FGD5: variants seen among roughly 807,000 people sequenced by gnomAD.
FGD5 encodes the protein FYVE, RhoGEF and PH domain containing 5.
In FGD5, 28 loss-of-function variants were observed where a neutral mutation model predicts 133.4. The ratio of observed to expected loss-of-function variants is 0.21; its 90% CI spans 0.16 to 0.29. The LOEUF is 0.29. FGD5 is among the 10% of genes least tolerant of loss of function. The probability of loss-of-function intolerance (pLI) is 1.00; values close to 1 mark genes in which losing one functional copy is unlikely to be tolerated. For missense variants in FGD5, 1,858 were observed against 1,895.2 expected (o/e 0.98, Z 0.36); for synonymous variants, 810 against 776.5 (o/e 1.04, Z -0.72).
chr3:14,870,682 C>T (rs2037590094), intron 2 of FGD5, among the ~76,000 whole-genome samples: 2 of 152,212 alleles, frequency 1.3e-5, no homozygotes, highest in African/African-American at 4.8e-5. Context: ...ATGGCCAGCC[C>T]TACGCAGGTG....
chr3:14,824,093 A>G (rs1392308297), intron 1 of FGD5, among the ~76,000 whole-genome samples: 1 of 152,224 alleles, frequency 6.6e-6, no homozygotes, highest in Non-Finnish European at 1.5e-5. Flanking sequence ...CTATTTCGCC[A>G]AAGGCCAGAC....
At chr3:14,881,858 G>A (rs1046260535) in intron 4 of FGD5, among the ~76,000 whole-genome samples, 1 of 152,162 alleles carries the variant, frequency 6.6e-6, no homozygotes, top group Non-Finnish European at 1.5e-5. Flanking sequence ...GGTGTTCCTG[G>A]CTGCCTTGGG....
chr3:14,849,256 C>T (rs1431008599), intron 1 of FGD5, among the ~76,000 whole-genome samples: 1 of 152,218 alleles, frequency 6.6e-6, no homozygotes, highest in Non-Finnish European at 1.5e-5. Context: ...GGCCTGCGCC[C>T]ACCTGCCCTA....
chr3:14,904,554 G>A (rs925836225), intron 9 of FGD5, among the ~76,000 whole-genome samples: 1 of 151,910 alleles, frequency 6.6e-6, no homozygotes, highest in Non-Finnish European at 1.5e-5. Flanking sequence ...TTCTGGCAGT[G>A]CAAGGTGCTC....
chr3:14,830,847 G>A (rs975565057), intron 1 of FGD5, among the ~76,000 whole-genome samples: 3 of 152,188 alleles, frequency 2.0e-5, no homozygotes, highest in African/African-American at 7.2e-5. Context: ...ATTCTGAGCC[G>A]GGTGCTGCTC....
At chr3:14,811,673 A>C (rs567511665) in intron 1 of FGD5, among the ~76,000 whole-genome samples, 1 of 152,092 alleles carries the variant, frequency 6.6e-6, no homozygotes, top group African/African-American at 2.4e-5. Context: ...AATCGCAGGG[A>C]TCCCTCCAGA....
rs781417540 is a variant in FGD5 at position 14,820,585 on chromosome 3, C to T, written c.1514C>T (p.Ala505Val). 7.2e-5 allele frequency: 116 copies of T among 1,608,498 alleles called. No homozygotes were observed. The East Asian group carries it at 7.6e-4, about 11-fold the overall frequency. ...GTCCCTGAAGAAACCGGACCTGAGG[C>T]GGGCTCGTCAGCCCCTGGCATTGGA... ...ETVPEETGPE[A>V]GSSAPGIGGA... Residue 505 changes from alanine to valine, a missense_variant, in exon 1 of 20, where the codon GCG (alanine) becomes GTG (valine). Ala to Val is a moderately conservative substitution (Grantham distance 64, BLOSUM62 0). Coordinates refer to ENST00000285046, the MANE Select transcript of FGD5 (RefSeq NM_152536.4).
At chr3:14,913,173 C>T (rs56403045) in intron 11 of FGD5, among the ~76,000 whole-genome samples, 2,837 of 152,234 alleles carry the variant, frequency 0.019, 40 homozygotes, top group Non-Finnish European at 0.031. Flanking sequence ...CAGACATGTG[C>T]GAGCCTCAAG....
intron 2 of FGD5, among the ~76,000 whole-genome samples, chr3:14,876,303 A>T (rs1410296386): frequency 6.6e-6 from 1 of 152,188 alleles, no homozygotes; most frequent in Non-Finnish European, 1.5e-5. Flanking sequence ...TCTTTGTGTG[A>T]CAGCCTCTGA....
intron 1 of FGD5, among the ~76,000 whole-genome samples, chr3:14,832,479 G>T (rs913187082): frequency 9.9e-5 from 15 of 152,220 alleles, no homozygotes; most frequent in African/African-American, 3.6e-4. Context: ...AACCCAGGCA[G>T]TTTCCAGCAC....
intron 1 of FGD5, among the ~76,000 whole-genome samples, chr3:14,834,076 T>C (rs1446973293): frequency 6.6e-6 from 1 of 152,242 alleles, no homozygotes; most frequent in African/African-American, 2.4e-5. Context: ...TTATTGTAAT[T>C]CTTTTTCATA....
In FGD5 at chr3:14,822,106, TAAAA is replaced by T. The variant is rs553593220; in HGVS notation, c.2525+517_2525+520del. On this transcript the variant is annotated intron_variant, in intron 1 of 19. Transcript: ENST00000285046. ...AGAGCGAGACTCTGTCTAAAAAAAA[TAAAA>T]AAAAAAGAAAAGAAAAAGAAAAAAG... 6.4e-5 allele frequency among the ~76,000 whole-genome samples: 9 copies of T among 140,854 alleles called. No homozygotes were observed. The South Asian group carries it at 6.8e-4, about 11-fold the overall frequency. The allele number at this position is 140,854 out of a possible 152,430, so 92.4% of individuals were successfully genotyped here. A position where few individuals can be genotyped will look rare whatever the true frequency, so the allele number is the denominator to read the frequency against.
intron 1 of FGD5, among the ~76,000 whole-genome samples, chr3:14,826,936 A>T (rs2036611367): frequency 6.6e-6 from 1 of 152,172 alleles, no homozygotes; most frequent in Non-Finnish European, 1.5e-5. Context: ...GGCTGCAGGC[A>T]ACATCTGAGC....
chr3:14,904,883 G>T (rs1273693984), intron 9 of FGD5, among the ~76,000 whole-genome samples: 1 of 152,144 alleles, frequency 6.6e-6, no homozygotes, highest in African/African-American at 2.4e-5. Context: ...GCCCAGGCTG[G>T]TGTCAAGCAG....
At chr3:14,926,772 G>A (rs1271740216) in intron 18 of FGD5, among the ~76,000 whole-genome samples, 1 of 152,126 alleles carries the variant, frequency 6.6e-6, no homozygotes, top group Non-Finnish European at 1.5e-5. Flanking sequence ...CCCTGACCCA[G>A]GCTGAACCTG....
Position 14,826,287 on chromosome 3 carries a change from C to T in FGD5, c.2525+4691C>T, listed in dbSNP as rs143035881. ...TTCCTCTCCCTCCCTTTCTCCCTCT[C>T]TCCCTCTCCTCTTCTTCCCCTCTTC... is the stretch of plus-strand genomic sequence containing the variant. On this transcript the variant is annotated intron_variant, in intron 1 of 19. Transcript: ENST00000285046. Among the ~76,000 whole-genome samples the T allele has an allele frequency of 2.2e-3, 342 of 152,254 alleles. 2 individuals carry two copies. The highest frequency in any genetic ancestry group is 7.4e-3 in the African/African-American group (308 of 41,536).
Position 14,923,307 on chromosome 3 carries a change from G to T in FGD5, c.3937+132G>T, listed in dbSNP as rs79729031. ...GAGGGAGTTATTCACTCCATGGAGG[G>T]AGGAAACAGAGGTTCGGGCACCATT... On this transcript the variant is annotated intron_variant, in intron 16 of 19. Transcript: ENST00000285046. The T allele has an allele frequency of 0.07, 88,624 of 1,267,346 alleles. 3,961 individuals carry two copies. The highest frequency in any genetic ancestry group is 0.17 in the African/African-American group (11,525 of 66,224). 78.5% of individuals were successfully genotyped at this position (1,267,346 alleles called of 1,614,324 possible).
At chr3:14,854,428 T>TTGATTGATTGATTG (rs1553625429) in intron 1 of FGD5, among the ~76,000 whole-genome samples, 2 of 64,654 alleles carry the variant, frequency 3.1e-5, no homozygotes, top group African/African-American at 1.0e-4. Context: ...TTTATTTATT[T>TTGATTGATTGATTG]ATTTATTGAG....
chr3:14,820,958 C>A lies in FGD5; in HGVS notation c.1887C>A (p.Ile629=). Residue 629 remains isoleucine, a synonymous_variant, in exon 1 of 20, where the codon ATC becomes ATA. Coordinates refer to ENST00000285046, the MANE Select transcript of FGD5 (RefSeq NM_152536.4). ...FDLACITKKP[I]TKSSPSLLIE... ...TGGCCTGCATCACCAAGAAGCCCATCACAAAGAGCTCTCCCTCACTCCTGA... is the reference window on the plus strand; with the variant it reads ...TGGCCTGCATCACCAAGAAGCCCATAACAAAGAGCTCTCCCTCACTCCTGA... The A allele has an allele frequency of 1.2e-6, 2 of 1,613,954 alleles. No individual in the cohort carries two copies. The highest frequency in any genetic ancestry group is 1.7e-6 in the Non-Finnish European group (2 of 1,179,888).
Sources: allele counts gnomAD v4.1 joint callset (sites outside exome capture counted in the v4.1 genomes callset), GRCh38; gene constraint gnomAD v4.1.1; transcripts MANE v1.5; gene names NCBI Gene and HGNC (gene_info 2026-07-23, HGNC 2026-07-21).